The following THSD7B variants were observed in gnomAD, a reference collection of about 807,000 sequenced individuals.
The protein encoded by THSD7B is thrombospondin type-1 domain-containing protein 7B.
Under a neutral mutation model 213.6 loss-of-function variants are expected in THSD7B, and 138 were observed. The observed-to-expected ratio is 0.65, with a 90% CI of 0.56 to 0.74. The LOEUF (loss-of-function observed/expected upper bound fraction) is 0.74, where lower values mean the gene tolerates loss of function less well. Ranked by LOEUF, THSD7B falls within the 30% of genes least tolerant of loss-of-function variation. The pLI, the probability that THSD7B is intolerant of heterozygous loss-of-function variation, is 0.00. For synonymous variants in THSD7B, 742 were observed against 687.0 expected, an observed-to-expected ratio of 1.08 and a Z score of -1.25; for missense variants, 1,931 against 1,991.5, an observed-to-expected ratio of 0.97 and a Z score of 0.58.
chr2:137,028,489 T>C (rs1225136222), intron 2 of THSD7B, among the ~76,000 whole-genome samples: 1 of 152,244 alleles, frequency 6.6e-6, no homozygotes, highest in East Asian at 1.9e-4. Context: ...TTTGCCATAC[T>C]ATAGGCAACA....
At chr2:136,936,926 G>A (rs1460074712) in intron 2 of THSD7B, among the ~76,000 whole-genome samples, 3 of 151,866 alleles carry the variant, frequency 2.0e-5, no homozygotes, top group Non-Finnish European at 1.5e-5. Flanking sequence ...ACCAAACCCA[G>A]TCATGTCTCT....
intron 1 of THSD7B, among the ~76,000 whole-genome samples, chr2:136,862,283 T>C (rs915264974): frequency 1.3e-5 from 2 of 152,138 alleles, no homozygotes; most frequent in Admixed American, 1.3e-4. Flanking sequence ...GTATAGTAAT[T>C]TCTCCTCCAG....
intron 1 of THSD7B, among the ~76,000 whole-genome samples, chr2:136,881,614 A>T (rs1436200634): frequency 6.6e-6 from 1 of 152,050 alleles, no homozygotes; most frequent in Non-Finnish European, 1.5e-5. Flanking sequence ...GAAGAAACTT[A>T]CCTGATTTTA....
At chr2:137,324,072 G>T (rs979751340) in intron 12 of THSD7B, among the ~76,000 whole-genome samples, 18 of 152,140 alleles carry the variant, frequency 1.2e-4, no homozygotes, top group Admixed American at 3.9e-4. Flanking sequence ...CATTGTCACA[G>T]CTCCTAAGGA....
At chr2:137,089,360 G>A (rs920497004) in intron 3 of THSD7B, among the ~76,000 whole-genome samples, 67 of 146,662 alleles carry the variant, frequency 4.6e-4, no homozygotes, top group Non-Finnish European at 1.4e-4. Context: ...ATATGTGTGT[G>A]TATATGTATA....
intron 1 of THSD7B, among the ~76,000 whole-genome samples, chr2:136,802,964 A>T (rs950317480): frequency 2.0e-5 from 3 of 151,910 alleles, no homozygotes; most frequent in African/African-American, 7.3e-5. Flanking sequence ...CAGAGTCAAC[A>T]TTATTATTTT....
At chr2:137,477,846 T>C (rs1339648505) in intron 15 of THSD7B, among the ~76,000 whole-genome samples, 2 of 152,108 alleles carry the variant, frequency 1.3e-5, no homozygotes, top group Non-Finnish European at 2.9e-5. Context: ...AGGGTAACTT[T>C]GCTGGGCATA....
Position 137,551,838 on chromosome 2 carries a change from G to A in THSD7B, c.3139-11383G>A, listed in dbSNP as rs114020965. The stretch of plus-strand genomic sequence containing the variant: ...TAGTGTGTGAAAATGCCTGCAAACC[G>A]GAGGATAGCCTGGGCCTGGGGCTTG... On this transcript the variant is annotated intron_variant, in intron 15 of 27. Coordinates refer to ENST00000409968, the MANE Select transcript of THSD7B (RefSeq NM_001316349.2). Among the ~76,000 whole-genome samples the A allele has an allele frequency of 1.1e-3, 169 of 152,092 alleles. 1 individual carries two copies. Among genetic ancestry groups the A allele is most frequent in the African/African-American group, 3.6e-3 (149 of 41,504 alleles).
chr2:136,984,539 A>G (rs1685638581), intron 2 of THSD7B, among the ~76,000 whole-genome samples: 1 of 152,210 alleles, frequency 6.6e-6, no homozygotes, highest in Non-Finnish European at 1.5e-5. Context: ...CTAGAAGTCC[A>G]GCAGATGTTG....
At chr2:137,417,341 C>A (rs943077550) in intron 14 of THSD7B, among the ~76,000 whole-genome samples, 1 of 152,142 alleles carries the variant, frequency 6.6e-6, no homozygotes, top group Admixed American at 6.5e-5. Context: ...GGAGAACATG[C>A]TTGGGACTGA....
rs1687344754 is a variant in THSD7B at position 137,438,929 on chromosome 2, C to G, written c.2960-11916C>G. ...GGCTGTAAAACCAATTATTAGCGTC[C>G]TTACAAGAGAAAAGAGAAAGATTTG... On this transcript the variant is annotated intron_variant, in intron 14 of 27. Coordinates refer to ENST00000409968, the MANE Select transcript of THSD7B (RefSeq NM_001316349.2). Among the ~76,000 whole-genome samples the G allele has an allele frequency of 2.6e-5, 4 of 151,910 alleles. No homozygotes were observed. In the South Asian group the frequency reaches 8.3e-4, roughly 32 times the overall value.
At position 137,405,767 on chromosome 2, in the gene THSD7B, G is replaced by C; in HGVS notation, c.2655G>C (p.Thr885=). 1.9e-6 allele frequency: 3 copies of C among 1,613,156 alleles called. No individual in the cohort carries two copies. The highest frequency in any genetic ancestry group is 1.7e-5 in the Admixed American group (1 of 59,854). ...GGTCCAAGTTTACGCCCTGCTCCACGAACTGTGAAGCCACAAAAAGTAGGC... is the reference window on the plus strand; with the variant it reads ...GGTCCAAGTTTACGCCCTGCTCCACCAACTGTGAAGCCACAAAAAGTAGGC... ...TAWSKFTPCS[T]NCEATKSRRR... The change falls in exon 13 of 28, where the codon ACG becomes ACC. Residue 885 remains threonine (T), a synonymous_variant. Coordinates refer to ENST00000409968, the MANE Select transcript of THSD7B (RefSeq NM_001316349.2).
At chr2:137,590,035 C>A (rs1387993715) in intron 17 of THSD7B, among the ~76,000 whole-genome samples, 1 of 146,630 alleles carries the variant, frequency 6.8e-6, no homozygotes, top group Non-Finnish European at 1.5e-5. Context: ...TTTTTTTTTT[C>A]TTTCATGGCC....
intron 5 of THSD7B, among the ~76,000 whole-genome samples, chr2:137,117,744 C>G (rs1287744817): frequency 6.6e-6 from 1 of 152,132 alleles, no homozygotes; most frequent in Admixed American, 6.5e-5. Context: ...GGGGGAAAAA[C>G]AGACTTCATT....
intron 2 of THSD7B, among the ~76,000 whole-genome samples, chr2:136,952,088 C>T (rs376270315): frequency 6.6e-6 from 1 of 152,008 alleles, no homozygotes; most frequent in African/African-American, 2.4e-5. Context: ...CAGCTGGTCT[C>T]GAACTCCTGT....
At chr2:136,831,127 A>C (rs1254970502) in intron 1 of THSD7B, among the ~76,000 whole-genome samples, 1 of 27,066 alleles carries the variant, frequency 3.7e-5, no homozygotes, top group Non-Finnish European at 8.5e-5. Context: ...GGCCTGTAGA[A>C]TCTTTTTTTT....
intron 5 of THSD7B, among the ~76,000 whole-genome samples, chr2:137,153,503 T>G (rs547924079): frequency 1.6e-4 from 25 of 152,280 alleles, no homozygotes; most frequent in Admixed American, 6.5e-4. Context: ...TTAAGCTTTA[T>G]TAGGTATAAT....
Position 137,265,891 on chromosome 2 carries a change from A to T in THSD7B, c.2267-6642A>T, listed in dbSNP as rs529347686. ...GCTAGAATTGCTGTGAGAAAACAGGATGTTTGACCATCCTATCCATTCCTC... is the reference window on the plus strand; with the variant it reads ...GCTAGAATTGCTGTGAGAAAACAGGTTGTTTGACCATCCTATCCATTCCTC... On this transcript the variant is annotated intron_variant, in intron 10 of 27. Transcript: ENST00000409968. Among the ~76,000 whole-genome samples the T allele has an allele frequency of 2.2e-4, 34 of 152,298 alleles. 2 individuals are homozygous for T. In the South Asian group the frequency reaches 7.1e-3, roughly 32 times the overall value.
chr2:137,560,036 G>A (rs896034153), intron 15 of THSD7B, among the ~76,000 whole-genome samples: 2 of 143,912 alleles, frequency 1.4e-5, no homozygotes, highest in Non-Finnish European at 3.0e-5. Flanking sequence ...ATTTAGAATG[G>A]CGATCATTAA....
Sources: gnomAD v4.1 joint callset for allele counts (sites outside exome capture counted in the v4.1 genomes callset) on GRCh38, gnomAD v4.1.1 for gene constraint, MANE v1.5 for transcripts, NCBI Gene and HGNC (gene_info 2026-07-23, HGNC 2026-07-21) for gene names.